The following AFG1L variants were observed in gnomAD, a reference collection of about 807,000 sequenced individuals.
AFG1L encodes AFG1-like ATPase.
AFG1L carries 53 observed loss-of-function variants against 62.2 expected under a neutral mutation model. The observed-to-expected ratio is 0.85, with a 90% CI of 0.68 to 1.07. The LOEUF is 1.07. Ranked by LOEUF, AFG1L falls within the 50% of genes least tolerant of loss-of-function variation. The pLI, the probability that AFG1L is intolerant of heterozygous loss-of-function variation, is 0.00. For synonymous variants in AFG1L, 228 were observed against 210.3 expected, an observed-to-expected ratio of 1.08 and a Z score of -0.73; for missense variants, 555 against 590.5, an observed-to-expected ratio of 0.94 and a Z score of 0.62.
intron 2 of AFG1L, among the ~76,000 whole-genome samples, chr6:108,334,749 G>A (rs541965360): frequency 2.6e-5 from 4 of 152,044 alleles, no homozygotes; most frequent in African/African-American, 9.7e-5. Flanking sequence ...TACAAACTCA[G>A]CATGTCCTTC....
intron 11 of AFG1L, among the ~76,000 whole-genome samples, chr6:108,518,374 A>C (rs1226510252): frequency 3.3e-5 from 5 of 152,102 alleles, no homozygotes. Context: ...GCTGGAAACC[A>C]TCATTCTCAG....
chr6:108,490,793 T>C (rs1208457251), intron 10 of AFG1L, among the ~76,000 whole-genome samples: 1 of 152,146 alleles, frequency 6.6e-6, no homozygotes, highest in Non-Finnish European at 1.5e-5. Flanking sequence ...TTCGTGTTCA[T>C]GAAATAGATT....
intron 2 of AFG1L, among the ~76,000 whole-genome samples, chr6:108,346,135 C>G (rs1195384577): frequency 6.6e-6 from 1 of 152,146 alleles, no homozygotes; most frequent in Non-Finnish European, 1.5e-5. Flanking sequence ...AGGGGCTTCA[C>G]AGCATTTTTT....
intron 3 of AFG1L, among the ~76,000 whole-genome samples, chr6:108,352,730 A>G (rs1779133284): frequency 6.6e-6 from 1 of 151,582 alleles, no homozygotes; most frequent in South Asian, 2.1e-4. Flanking sequence ...ATGCCCAACT[A>G]ATTTTTATAT....
Position 108,455,834 on chromosome 6 carries a change from T to C in AFG1L, c.890+8538T>C, listed in dbSNP as rs540689850. ...TATGATTTGAATCCTTTTGAATTTA[T>C]TGAGGCTTGCTTTATGGCCCAGAAT... On this transcript the variant is annotated intron_variant, in intron 8 of 12. Coordinates refer to ENST00000368977, the MANE Select transcript of AFG1L (RefSeq NM_145315.5). 1.1e-3 allele frequency among the ~76,000 whole-genome samples: 163 copies of C among 152,312 alleles called. 1 individual carries two copies. The highest frequency in any genetic ancestry group is 3.7e-3 in the African/African-American group (153 of 41,566).
At chr6:108,322,578 G>T (rs1413527826) in intron 1 of AFG1L, among the ~76,000 whole-genome samples, 7 of 152,152 alleles carry the variant, frequency 4.6e-5, no homozygotes, top group Non-Finnish European at 1.0e-4. Context: ...ATTTAGAAAG[G>T]TGGAACAAAT....
chr6:108,350,145 G>A (rs1779024926), intron 3 of AFG1L, among the ~76,000 whole-genome samples: 1 of 151,520 alleles, frequency 6.6e-6, no homozygotes, highest in African/African-American at 2.4e-5. Context: ...GCAGTGAGCC[G>A]AGATCGCACC....
At chr6:108,372,571 G>T (rs1040561451) in intron 6 of AFG1L, among the ~76,000 whole-genome samples, 1 of 151,892 alleles carries the variant, frequency 6.6e-6, no homozygotes, top group Admixed American at 6.6e-5. Context: ...CTTGTGATCC[G>T]CCCACCTCGG....
chr6:108,353,300 A>T (rs1029592903), intron 3 of AFG1L, among the ~76,000 whole-genome samples: 1 of 151,932 alleles, frequency 6.6e-6, no homozygotes, highest in Non-Finnish European at 1.5e-5. Context: ...GACTACAGGC[A>T]TGCACCACCA....
At chr6:108,416,546 C>T (rs996975328) in intron 7 of AFG1L, among the ~76,000 whole-genome samples, 25 of 151,814 alleles carry the variant, frequency 1.6e-4, no homozygotes, top group Non-Finnish European at 2.8e-4. Context: ...AATGATAGAC[C>T]GGATTAAGAA....
intron 8 of AFG1L, among the ~76,000 whole-genome samples, chr6:108,461,566 C>T (rs1345087436): frequency 6.6e-5 from 10 of 152,230 alleles, no homozygotes; most frequent in Admixed American, 5.9e-4. Flanking sequence ...AGCCATTTTC[C>T]CGCCTCAGCC....
chr6:108,356,802 A>G lies in AFG1L; in HGVS notation c.630A>G (p.Leu210=), dbSNP rs143216803. The change falls in exon 5 of 13, where the codon CTA becomes CTG. Residue 210 remains leucine, a synonymous_variant. Coordinates refer to ENST00000368977, the MANE Select transcript of AFG1L (RefSeq NM_145315.5). ...AAATCAGCGAAGAAGCATGTCTCCT[A>G]TGTTTTGATGAATTTCAGGTAAAGT... ...AEEISEEACL[L]CFDEFQVTDI... 31 of 1,612,454 alleles carry G rather than the reference A, an allele frequency of 1.9e-5. No homozygotes were observed. Among genetic ancestry groups the G allele is most frequent in the Admixed American group, 3.3e-5 (2 of 59,780 alleles).
At chr6:108,327,927 C>G (rs1451188332) in intron 2 of AFG1L, among the ~76,000 whole-genome samples, 1 of 152,176 alleles carries the variant, frequency 6.6e-6, no homozygotes, top group Non-Finnish European at 1.5e-5. Flanking sequence ...TACCTATGGT[C>G]CCATGCAGGG....
intron 12 of AFG1L, chr6:108,521,849 A>C (rs1486317823): frequency 6.5e-6 from 1 of 153,472 alleles, no homozygotes; most frequent in East Asian, 1.9e-4. Flanking sequence ...TTTAGATCCC[A>C]GGCACATTCT....
In AFG1L at chr6:108,476,861, G is replaced by T. The variant is rs1477306931; in HGVS notation, c.891-4G>T. ...TTCATATTCTATTATTCTTTTCACT[G>T]TAGCACAAGTGAAGCTGATGTGGAG... On this transcript the variant is annotated splice_polypyrimidine_tract_variant and splice_region_variant and intron_variant, in intron 8 of 12. Transcript: ENST00000368977. 2.5e-6 allele frequency: 4 copies of T among 1,607,370 alleles called. No individual in the cohort carries two copies. Among genetic ancestry groups the T allele is most frequent in the Non-Finnish European group, 3.4e-6 (4 of 1,174,010 alleles).
chr6:108,487,270 C>T (rs2114841930), intron 10 of AFG1L, among the ~76,000 whole-genome samples: 1 of 152,294 alleles, frequency 6.6e-6, no homozygotes, highest in South Asian at 2.1e-4. Flanking sequence ...GAGGCTGGGG[C>T]AGGAGGATCT....
At chr6:108,351,699 A>C (rs1181965593) in intron 3 of AFG1L, among the ~76,000 whole-genome samples, 1 of 150,150 alleles carries the variant, frequency 6.7e-6, no homozygotes, top group East Asian at 2.0e-4. Context: ...TATATGTTTT[A>C]AAAAATGTAT....
intron 6 of AFG1L, among the ~76,000 whole-genome samples, chr6:108,390,640 G>C (rs1410872014): frequency 1.3e-5 from 2 of 152,330 alleles, no homozygotes; most frequent in East Asian, 3.9e-4. Context: ...CACTCCAGAC[G>C]CTGTTTGCCT....
intron 6 of AFG1L, among the ~76,000 whole-genome samples, chr6:108,389,739 A>C (rs753550573): frequency 1.1e-4 from 16 of 152,182 alleles, no homozygotes; most frequent in Non-Finnish European, 2.4e-4. Context: ...ATTTCTGCCG[A>C]GAGATCCGCT....
Sources: gnomAD v4.1 joint callset for allele counts (sites outside exome capture counted in the v4.1 genomes callset) on GRCh38, gnomAD v4.1.1 for gene constraint, MANE v1.5 for transcripts, NCBI Gene and HGNC (gene_info 2026-07-23, HGNC 2026-07-21) for gene names.